The following MEIS2 variants were observed in gnomAD, a reference collection of about 807,000 sequenced individuals.
MEIS2 encodes homeobox protein Meis2.
In MEIS2, 9 loss-of-function variants were observed where a neutral mutation model predicts 58.6. The observed-to-expected ratio is 0.15, with a 90% CI of 0.09 to 0.27. The LOEUF is 0.27. MEIS2 is among the 10% of genes least tolerant of loss of function. The pLI is 1.00. For missense variants in MEIS2, 427 were observed against 635.0 expected, an observed-to-expected ratio of 0.67 and a Z score of 3.52; for synonymous variants, 221 against 228.4, an observed-to-expected ratio of 0.97 and a Z score of 0.29.
intron 9 of MEIS2, among the ~76,000 whole-genome samples, chr15:36,922,695 A>C (rs574551201): frequency 1.4e-5 from 2 of 147,624 alleles, no homozygotes; most frequent in South Asian, 4.2e-4. Context: ...ATTTCAGCAC[A>C]CTGCAACCTC....
Position 36,909,757 on chromosome 15 carries a change from C to A in MEIS2, c.978-13071G>T, listed in dbSNP as rs571034345. On this transcript the variant is annotated intron_variant, in intron 9 of 11. Coordinates refer to ENST00000561208, the MANE Select transcript of MEIS2 (RefSeq NM_170675.5). ...TAGGCTGGCAGGCAATATGCACAGT[C>A]CGGGACATAACTGTACTGGGGATGA... 2.7e-5 allele frequency among the ~76,000 whole-genome samples: 4 copies of A among 149,086 alleles called. No individual in the cohort carries two copies. The East Asian group carries it at 8.0e-4, about 30-fold the overall frequency.
At chr15:36,922,481 T>C (rs2057554763) in intron 9 of MEIS2, among the ~76,000 whole-genome samples, 1 of 151,630 alleles carries the variant, frequency 6.6e-6, no homozygotes, top group Non-Finnish European at 1.5e-5. Flanking sequence ...TTTTTTTAAA[T>C]GTTACATTTT....
At chr15:37,068,987 C>T (rs1039074559) in intron 7 of MEIS2, among the ~76,000 whole-genome samples, 2 of 152,108 alleles carry the variant, frequency 1.3e-5, no homozygotes, top group South Asian at 4.1e-4. Flanking sequence ...TATAAAAGTA[C>T]CAATTTTTCC....
intron 7 of MEIS2, among the ~76,000 whole-genome samples, chr15:37,052,240 T>G (rs1433415418): frequency 6.6e-6 from 1 of 152,210 alleles, no homozygotes; most frequent in Non-Finnish European, 1.5e-5. Flanking sequence ...GATAAATCCC[T>G]GAATCCACCA....
At position 37,062,614 on chromosome 15, in the gene MEIS2, T is replaced by C. The variant is rs536897212; in HGVS notation, c.754+21157A>G. ...ATATTTAAATCAAAACAAATATCCA[T>C]GCTCATCCTCTACAACTTCCCAGGA... On this transcript the variant is annotated intron_variant, in intron 7 of 11. Coordinates refer to ENST00000561208, the MANE Select transcript of MEIS2 (RefSeq NM_170675.5). 2.8e-3 allele frequency among the ~76,000 whole-genome samples: 424 copies of C among 152,306 alleles called. 2 individuals carry two copies. The highest frequency in any genetic ancestry group is 9.4e-3 in the African/African-American group (389 of 41,564).
At chr15:36,938,406 G>A (rs11073216) in intron 9 of MEIS2, among the ~76,000 whole-genome samples, 79,753 of 152,004 alleles carry the variant, frequency 0.52, 21,230 homozygotes, top group South Asian at 0.74. Flanking sequence ...CAGATCTGCT[G>A]TCATTGTGGA....
At chr15:37,099,323 T>C (rs1894812328) in intron 1 of MEIS2, 132 bp downstream of exon 1, 1 of 1,558,420 alleles carries the variant, frequency 6.4e-7, no homozygotes, top group Non-Finnish European at 8.7e-7. Context: ...AATTTTGCTA[T>C]TTTTTAAAAT....
intron 9 of MEIS2, among the ~76,000 whole-genome samples, chr15:36,919,143 T>G (rs535915432): frequency 6.6e-6 from 1 of 152,100 alleles, no homozygotes; most frequent in African/African-American, 2.4e-5. Context: ...ACCATGCCAC[T>G]GTAGTCCAGC....
At chr15:37,013,805 C>T (rs1296241744) in intron 8 of MEIS2, among the ~76,000 whole-genome samples, 1 of 152,016 alleles carries the variant, frequency 6.6e-6, no homozygotes, top group African/African-American at 2.4e-5. Flanking sequence ...AACAACTTGT[C>T]CATTTAACCT....
chr15:36,998,447 A>G (rs2060607491), intron 8 of MEIS2, among the ~76,000 whole-genome samples: 1 of 151,460 alleles, frequency 6.6e-6, no homozygotes, highest in Admixed American at 6.6e-5. Context: ...TCTCAAACTC[A>G]TGGACTCAAG....
At chr15:37,094,802 C>CTTAT (rs1893993933) in intron 4 of MEIS2, among the ~76,000 whole-genome samples, 1 of 152,042 alleles carries the variant, frequency 6.6e-6, no homozygotes, top group Non-Finnish European at 1.5e-5. Context: ...TCAACCTGAG[C>CTTAT]ATAAGCATTA....
intron 8 of MEIS2, among the ~76,000 whole-genome samples, chr15:36,974,475 G>A (rs748457052): frequency 6.6e-6 from 1 of 152,142 alleles, no homozygotes; most frequent in Non-Finnish European, 1.5e-5. Flanking sequence ...CAAATTATTT[G>A]AGAGCTATGA....
chr15:36,950,521 TC>T (rs1388742336), intron 8 of MEIS2, 121 bp from the exon 9 acceptor site: 2 of 900,078 alleles, frequency 2.2e-6, no homozygotes, highest in African/African-American at 3.4e-5. Context: ...CCTACTTGCA[TC>T]TTTTTTATCA....
intron 9 of MEIS2, among the ~76,000 whole-genome samples, chr15:36,926,010 G>A (rs1014863793): frequency 1.3e-4 from 20 of 152,014 alleles, no homozygotes; most frequent in African/African-American, 3.6e-4. Flanking sequence ...TGCATCATCC[G>A]TTTTTTCACA....
Position 37,099,823 on chromosome 15 carries a change from GA to G in MEIS2, c.-358del. Reference sequence around the variant, plus strand: ...CAGTTGGAAAAAAAAAGAAAGAAAAGAAAAAGAAGAAAAAGAAGAAAAAAAT... The same window carrying G: ...CAGTTGGAAAAAAAAAGAAAGAAAAGAAAAGAAGAAAAAGAAGAAAAAAAT... On this transcript the variant is annotated 5_prime_UTR_variant, in exon 1 of 12. Coordinates refer to ENST00000561208, the MANE Select transcript of MEIS2 (RefSeq NM_170675.5). 5.0e-6 allele frequency: 1 copy of G among 200,668 alleles called. No individual in the cohort carries two copies. The highest frequency in any genetic ancestry group is 2.7e-5 in the African/African-American group (1 of 36,934). 12.4% of individuals were successfully genotyped at this position (200,668 alleles called of 1,614,324 possible). A position where few individuals can be genotyped will look rare whatever the true frequency, so the allele number is the denominator to read the frequency against.
At chr15:37,028,256 T>A (rs563565060) in intron 8 of MEIS2, among the ~76,000 whole-genome samples, 1 of 152,302 alleles carries the variant, frequency 6.6e-6, no homozygotes, top group African/African-American at 2.4e-5. Context: ...AGACTATGCA[T>A]TTCATTACCC....
chr15:37,046,316 CT>C (rs1475440853), intron 7 of MEIS2, among the ~76,000 whole-genome samples: 6 of 152,196 alleles, frequency 3.9e-5, no homozygotes, highest in Non-Finnish European at 8.8e-5. Flanking sequence ...GTACAGGCAG[CT>C]GCAAAGCAGA....
chr15:37,031,419 A>ATGTG (rs1330138116), intron 8 of MEIS2, among the ~76,000 whole-genome samples: 87 of 30,540 alleles, frequency 2.8e-3, no homozygotes, highest in African/African-American at 7.8e-3. Context: ...CCTCCCTTGC[A>ATGTG]TATGTGTGTG....
At chr15:37,094,695 A>C (rs1363965002) in intron 4 of MEIS2, 118 bp from the exon 5 acceptor site, 1 of 725,308 alleles carries the variant, frequency 1.4e-6, no homozygotes, top group Admixed American at 2.8e-5. Context: ...AGAAACGGGC[A>C]GGTGGCCAGG....
Sources: gnomAD v4.1 joint callset for allele counts (sites outside exome capture counted in the v4.1 genomes callset) on GRCh38, gnomAD v4.1.1 for gene constraint, MANE v1.5 for transcripts, NCBI Gene and HGNC (gene_info 2026-07-23, HGNC 2026-07-21) for gene names.